Variants in AKR1C8 observed in about 807,000 individuals in gnomAD.
AKR1C8 encodes the protein aldo-keto reductase family 1 member C8, also known as aldo-keto reductase family 1 member C-like protein 1.
chr10:5,155,644 G>T, the AKR1C8 span: 2 of 456,446 alleles, frequency 4.4e-6, no homozygotes, highest in Non-Finnish European at 9.1e-6. Flanking sequence ...ACAGAAAACA[G>T]CCTGTGAGAG....
At chr10:5,161,991 A>G in the AKR1C8 span, 2 of 527,690 alleles carry the variant, frequency 3.8e-6, no homozygotes, top group Non-Finnish European at 7.8e-6. Context: ...ACCAAAAGAA[A>G]CAAAAATGGA....
At chr10:5,179,312 C>G in the AKR1C8 span, among the ~76,000 whole-genome samples, 17 of 152,336 alleles carry the variant, frequency 1.1e-4, no homozygotes, top group South Asian at 3.5e-3. Context: ...TTGGCCCCCA[C>G]TCTCTTCTGG....
chr10:5,167,035 G>T, the AKR1C8 span, among the ~76,000 whole-genome samples: 2 of 151,974 alleles, frequency 1.3e-5, no homozygotes, highest in Non-Finnish European at 2.9e-5. Context: ...ATGAAAAAAT[G>T]CTCATCATCA....
chr10:5,131,271 A>G, the AKR1C8 span, among the ~76,000 whole-genome samples: 1 of 152,076 alleles, frequency 6.6e-6, no homozygotes, highest in Non-Finnish European at 1.5e-5. Flanking sequence ...TGGCCTCGAC[A>G]AAGAATTTAT....
chr10:5,181,815 T>A, the AKR1C8 span, among the ~76,000 whole-genome samples: 1 of 152,184 alleles, frequency 6.6e-6, no homozygotes, highest in Non-Finnish European at 1.5e-5. Flanking sequence ...GGACATTTTG[T>A]CATTCACAGG....
chr10:5,132,589 A>G, the AKR1C8 span: 4 of 1,538,320 alleles, frequency 2.6e-6, no homozygotes, highest in South Asian at 1.2e-5. Context: ...CATGCTTATC[A>G]TAGGCACAGT....
At chr10:5,131,308 CA>C in the AKR1C8 span, among the ~76,000 whole-genome samples, 1 of 151,744 alleles carries the variant, frequency 6.6e-6, no homozygotes, top group African/African-American at 2.4e-5. Flanking sequence ...AGCAAATGCA[CA>C]AAAAACAAAA....
chr10:5,160,487 T>G, the AKR1C8 span, among the ~76,000 whole-genome samples: 1 of 152,194 alleles, frequency 6.6e-6, no homozygotes, highest in African/African-American at 2.4e-5. Flanking sequence ...CCCTCCTCCA[T>G]GATGTGTTTC....
chr10:5,126,847 C>T, the AKR1C8 span, among the ~76,000 whole-genome samples: 7 of 152,078 alleles, frequency 4.6e-5, no homozygotes, highest in African/African-American at 9.6e-5. Context: ...TAACTCTTCA[C>T]ACCTAATAGC....
At chr10:5,140,286 C>A in the AKR1C8 span, among the ~76,000 whole-genome samples, 1 of 152,170 alleles carries the variant, frequency 6.6e-6, no homozygotes, top group South Asian at 2.1e-4. Flanking sequence ...ACCCAGCGAT[C>A]CCATTACTGG....
the AKR1C8 span, chr10:5,160,098 C>A: frequency 5.5e-6 from 2 of 365,664 alleles, 1 homozygote; most frequent in Non-Finnish European, 1.1e-5. Flanking sequence ...TCTGTTTTAA[C>A]ATATATAAAT....
chr10:5,117,401 G>T, the AKR1C8 span, among the ~76,000 whole-genome samples: 4 of 152,030 alleles, frequency 2.6e-5, no homozygotes, highest in Non-Finnish European at 4.4e-5. Context: ...CTCAATCGAG[G>T]ATTTCTGAAG....
chr10:5,144,850 A>G, the AKR1C8 span, among the ~76,000 whole-genome samples: 15 of 152,194 alleles, frequency 9.9e-5, no homozygotes, highest in Non-Finnish European at 1.9e-4. Context: ...TTCTTAATTG[A>G]CTACGCTTTA....
the AKR1C8 span, among the ~76,000 whole-genome samples, chr10:5,142,025 G>T: frequency 6.6e-6 from 1 of 152,066 alleles, no homozygotes; most frequent in Non-Finnish European, 1.5e-5. Flanking sequence ...ATTGCTTATT[G>T]TAGTCGCTTT....
the AKR1C8 span, among the ~76,000 whole-genome samples, chr10:5,168,637 C>T: frequency 1.3e-5 from 2 of 152,100 alleles, no homozygotes; most frequent in African/African-American, 2.4e-5. Context: ...CAAACCCTAA[C>T]TACTACTGAG....
chr10:5,122,503 A>C, the AKR1C8 span, among the ~76,000 whole-genome samples: 2 of 152,184 alleles, frequency 1.3e-5, no homozygotes, highest in Non-Finnish European at 2.9e-5. Flanking sequence ...CCTGGACTTG[A>C]CCACACTTGG....
the AKR1C8 span, among the ~76,000 whole-genome samples, chr10:5,149,302 A>G: frequency 6.6e-6 from 1 of 152,244 alleles, no homozygotes; most frequent in Admixed American, 6.5e-5. Context: ...TCAAAGACAA[A>G]TAATGATAGA....
chr10:5,171,220 T>C, the AKR1C8 span, among the ~76,000 whole-genome samples: 6 of 151,158 alleles, frequency 4.0e-5, no homozygotes, highest in Non-Finnish European at 8.9e-5. Context: ...TTATAGCTGA[T>C]TATAAAACCA....
the AKR1C8 span, among the ~76,000 whole-genome samples, chr10:5,175,765 T>A: frequency 6.6e-6 from 1 of 152,222 alleles, no homozygotes; most frequent in Non-Finnish European, 1.5e-5. Context: ...TTTGGCTGCA[T>A]AAATGTCTTC....
Sources: gnomAD v4.1 joint callset for allele counts (sites outside exome capture counted in the v4.1 genomes callset) on GRCh38, gnomAD v4.1.1 for gene constraint, MANE v1.5 for transcripts, NCBI Gene and HGNC (gene_info 2026-07-23, HGNC 2026-07-21) for gene names.